Variants in GALNT13 observed in about 807,000 individuals in gnomAD.
GALNT13 encodes the protein UDP-GalNAc:polypeptide N-acetylgalactosaminyltransferase 13.
Under a neutral mutation model 64.2 loss-of-function variants are expected in GALNT13, and 28 were observed. The observed-to-expected ratio is 0.44, with a 90% confidence interval of 0.32 to 0.60. The LOEUF (loss-of-function observed/expected upper bound fraction) is 0.60. Among genes scored for constraint, GALNT13 ranks in the 20% least tolerant of loss-of-function variants. GALNT13 has a pLI of 0.05. For missense variants in GALNT13, 577 were observed against 669.8 expected, an observed-to-expected ratio of 0.86 and a Z score of 1.53; for synonymous variants, 214 against 224.6, an observed-to-expected ratio of 0.95 and a Z score of 0.42.
chr2:153,533,427 T>A, the GALNT13 span, among the ~76,000 whole-genome samples: 1 of 151,980 alleles, frequency 6.6e-6, no homozygotes. Flanking sequence ...AATTTTTGTA[T>A]TTTTAGTAGA....
chr2:153,793,056 CT>C, the GALNT13 span, among the ~76,000 whole-genome samples: 3 of 148,516 alleles, frequency 2.0e-5, no homozygotes, highest in African/African-American at 7.4e-5. Context: ...ACTGCAATCT[CT>C]GCCTCCTGGG....
chr2:153,552,495 G>A, the GALNT13 span, among the ~76,000 whole-genome samples: 34 of 151,718 alleles, frequency 2.2e-4, no homozygotes, highest in Non-Finnish European at 3.4e-4. Context: ...AGGGTAGTTA[G>A]GGTTTACAAA....
chr2:154,076,435 G>A (rs957657977), intron 3 of GALNT13, among the ~76,000 whole-genome samples: 3 of 151,710 alleles, frequency 2.0e-5, no homozygotes, highest in African/African-American at 7.2e-5. Flanking sequence ...ACATTTTGTA[G>A]ATGAGAAAAC....
chr2:154,192,075 C>T (rs1420272496), intron 4 of GALNT13, among the ~76,000 whole-genome samples: 1 of 152,166 alleles, frequency 6.6e-6, no homozygotes, highest in Non-Finnish European at 1.5e-5. Flanking sequence ...CCCCTGGAGT[C>T]GGGCTGCTCA....
chr2:154,324,525 G>T (rs1463512909), intron 9 of GALNT13, among the ~76,000 whole-genome samples: 1 of 152,068 alleles, frequency 6.6e-6, no homozygotes, highest in Non-Finnish European at 1.5e-5. Context: ...CTTTTATGAA[G>T]CTTTGGTCCA....
At chr2:153,788,034 G>A in the GALNT13 span, among the ~76,000 whole-genome samples, 2 of 152,272 alleles carry the variant, frequency 1.3e-5, no homozygotes, top group African/African-American at 4.8e-5. Context: ...TTATCCATGA[G>A]AACTTCCCGA....
At chr2:153,292,386 G>C in the GALNT13 span, among the ~76,000 whole-genome samples, 2 of 152,192 alleles carry the variant, frequency 1.3e-5, no homozygotes, top group African/African-American at 2.4e-5. Context: ...CATGTTAAAA[G>C]CTGGATTTAT....
the GALNT13 span, among the ~76,000 whole-genome samples, chr2:153,817,458 G>A: frequency 6.6e-6 from 1 of 152,118 alleles, no homozygotes; most frequent in Admixed American, 6.5e-5. Context: ...CCCAGGTGAT[G>A]TCTTATCACC....
chr2:153,122,925 T>C, the GALNT13 span, among the ~76,000 whole-genome samples: 30 of 152,020 alleles, frequency 2.0e-4, no homozygotes, highest in African/African-American at 7.0e-4. Flanking sequence ...TTATACTAGA[T>C]TAGAGTGGGC....
At chr2:154,235,147 C>T (rs1689126054) in intron 4 of GALNT13, among the ~76,000 whole-genome samples, 1 of 152,018 alleles carries the variant, frequency 6.6e-6, no homozygotes, top group Admixed American at 6.6e-5. Flanking sequence ...ACCCCATCCC[C>T]ACCAATAATC....
At chr2:153,825,484 G>A in the GALNT13 span, among the ~76,000 whole-genome samples, 13 of 152,062 alleles carry the variant, frequency 8.5e-5, no homozygotes, top group Non-Finnish European at 1.3e-4. Flanking sequence ...ATAGATTAGC[G>A]CAGTGCAAAA....
the GALNT13 span, among the ~76,000 whole-genome samples, chr2:153,467,261 T>G: frequency 2.0e-5 from 3 of 152,000 alleles, no homozygotes; most frequent in Admixed American, 6.6e-5. Flanking sequence ...CATTTTGAAT[T>G]TCCTCCTAAA....
At chr2:153,714,130 G>T in the GALNT13 span, among the ~76,000 whole-genome samples, 1 of 152,122 alleles carries the variant, frequency 6.6e-6, no homozygotes, top group Non-Finnish European at 1.5e-5. Flanking sequence ...GTGAGTTCTT[G>T]CTAACTTGGG....
At chr2:154,091,549 C>T (rs1322237761) in intron 3 of GALNT13, among the ~76,000 whole-genome samples, 1 of 151,762 alleles carries the variant, frequency 6.6e-6, no homozygotes, top group Admixed American at 6.6e-5. Context: ...TTATAACATA[C>T]ATCATACTTT....
chr2:154,213,193 C>T (rs1352683297), intron 4 of GALNT13, among the ~76,000 whole-genome samples: 1 of 152,260 alleles, frequency 6.6e-6, no homozygotes, highest in East Asian at 1.9e-4. Context: ...ACCTCCACCC[C>T]CAACCTCAGC....
intron 3 of GALNT13, among the ~76,000 whole-genome samples, chr2:154,031,745 A>C (rs1219030810): frequency 1.3e-5 from 2 of 152,028 alleles, no homozygotes; most frequent in Non-Finnish European, 2.9e-5. Flanking sequence ...TTAACAACAT[A>C]AATTCAAAAT....
At chr2:153,467,917 C>T in the GALNT13 span, among the ~76,000 whole-genome samples, 1 of 151,992 alleles carries the variant, frequency 6.6e-6, no homozygotes, top group African/African-American at 2.4e-5. Flanking sequence ...AAGATCTTAA[C>T]ATACAAACTT....
chr2:153,395,332 A>T, the GALNT13 span, among the ~76,000 whole-genome samples: 1 of 152,136 alleles, frequency 6.6e-6, no homozygotes, highest in African/African-American at 2.4e-5. Flanking sequence ...TGGCTACCAC[A>T]TGGAGTCACG....
chr2:153,538,344 A>ATTTTTTTTTTTTTTTTTTTTT, the GALNT13 span, among the ~76,000 whole-genome samples: 2 of 68,552 alleles, frequency 2.9e-5, no homozygotes, highest in Non-Finnish European at 6.1e-5. Flanking sequence ...TTTTTTTTTT[A>ATTTTTTTTTTTTTTTTTTTTT]CTTTTTTATT....
Sources: allele counts gnomAD v4.1 joint callset (sites outside exome capture counted in the v4.1 genomes callset), GRCh38; gene constraint gnomAD v4.1.1; transcripts MANE v1.5; gene names NCBI Gene and HGNC (gene_info 2026-07-23, HGNC 2026-07-21).